SMR3A: variants seen among roughly 807,000 people sequenced by gnomAD.
SMR3A encodes the protein submaxillary gland androgen-regulated protein 3A.
For synonymous variants in SMR3A, 48 were observed against 57.4 expected (o/e 0.84, Z 0.74); for missense variants, 188 against 163.0 (o/e 1.15, Z -0.84).
intron 1 of SMR3A, 60 bp downstream of exon 1, chr4:70,360,902 A>G (rs998790518): frequency 6.6e-6 from 1 of 151,906 alleles, no homozygotes; most frequent in African/African-American, 2.4e-5. Flanking sequence ...TGAGCTTTTT[A>G]TAGGACATTC....
intron 2 of SMR3A, among the ~76,000 whole-genome samples, chr4:70,364,692 G>T (rs948511743): frequency 3.9e-5 from 6 of 151,952 alleles, no homozygotes; most frequent in African/African-American, 7.2e-5. Context: ...GGGTAGATGA[G>T]AGCTCAGGAT....
intron 2 of SMR3A, among the ~76,000 whole-genome samples, chr4:70,366,075 A>C (rs1732253599): frequency 6.6e-6 from 1 of 152,016 alleles, no homozygotes; most frequent in Non-Finnish European, 1.5e-5. Flanking sequence ...TACATTTAAC[A>C]ATTTTCTATT....
chr4:70,362,399 T>G (rs4694295), intron 2 of SMR3A, among the ~76,000 whole-genome samples: 40,764 of 151,698 alleles, frequency 0.27, 6,346 homozygotes, highest in Admixed American at 0.35. Context: ...AATATCAGAC[T>G]GCATTAAACA....
At position 70,366,718 on chromosome 4, in the gene SMR3A, T is replaced by C; in HGVS notation, c.129T>C (p.Phe43=). 1 of 1,613,450 alleles carries C rather than the reference T, an allele frequency of 6.2e-7. No individual in the cohort carries two copies. The highest frequency in any genetic ancestry group is 1.1e-5 in the South Asian group (1 of 91,058). ...TGGCTCCTCCTCCTCCACCATGTTT[T>C]CCTTTTGGAACAGGATTTGTTCCAC... ...GPLAPPPPPC[F]PFGTGFVPPP... The change falls in exon 3 of 3, where the codon TTT becomes TTC. Residue 43 remains phenylalanine (F), a synonymous_variant. Transcript: ENST00000226460.
intron 2 of SMR3A, among the ~76,000 whole-genome samples, chr4:70,363,370 G>T (rs1175342436): frequency 6.6e-6 from 1 of 151,814 alleles, no homozygotes; most frequent in Non-Finnish European, 1.5e-5. Context: ...TTGTAGATGG[G>T]GTAAGTCATC....
intron 2 of SMR3A, among the ~76,000 whole-genome samples, chr4:70,362,593 AG>A (rs1732173531): frequency 6.6e-6 from 1 of 151,870 alleles, no homozygotes; most frequent in Non-Finnish European, 1.5e-5. Flanking sequence ...CATTTTGCAG[AG>A]GATTTAGGAG....
At chr4:70,361,114 T>G (rs1393824149) in intron 1 of SMR3A, among the ~76,000 whole-genome samples, 1 of 151,950 alleles carries the variant, frequency 6.6e-6, no homozygotes, top group African/African-American at 2.4e-5. Flanking sequence ...AATGATAGAT[T>G]ATTCTCAGAT....
intron 1 of SMR3A, among the ~76,000 whole-genome samples, chr4:70,361,059 A>G (rs1732137911): frequency 6.6e-6 from 1 of 151,898 alleles, no homozygotes; most frequent in Admixed American, 6.6e-5. Context: ...CAAGTACACA[A>G]TTGACTTTTC....
At chr4:70,365,653 C>T (rs531525531) in intron 2 of SMR3A, among the ~76,000 whole-genome samples, 3 of 152,044 alleles carry the variant, frequency 2.0e-5, no homozygotes, top group African/African-American at 7.2e-5. Context: ...TCACATTTAT[C>T]CCCCCCTGTA....
At chr4:70,365,600 G>A (rs1312196400) in intron 2 of SMR3A, among the ~76,000 whole-genome samples, 1 of 151,906 alleles carries the variant, frequency 6.6e-6, no homozygotes, top group Non-Finnish European at 1.5e-5. Flanking sequence ...ACACTGGCAT[G>A]AAATCCCAGA....
intron 2 of SMR3A, among the ~76,000 whole-genome samples, chr4:70,366,066 A>G (rs1732253345): frequency 6.6e-6 from 1 of 152,046 alleles, no homozygotes; most frequent in Non-Finnish European, 1.5e-5. Flanking sequence ...TAACTTAGAT[A>G]CATTTAACAA....
chr4:70,361,449 C>A (rs1368608281), intron 1 of SMR3A, among the ~76,000 whole-genome samples: 1 of 151,834 alleles, frequency 6.6e-6, no homozygotes, highest in Non-Finnish European at 1.5e-5. Context: ...AATAAAATAT[C>A]TGGACTCCTC....
At chr4:70,362,893 T>C (rs369982456) in intron 2 of SMR3A, among the ~76,000 whole-genome samples, 10 of 151,864 alleles carry the variant, frequency 6.6e-5, no homozygotes, top group African/African-American at 2.2e-4. Context: ...TAGAAGACTA[T>C]GACTTCCACA....
chr4:70,363,888 A>G (rs1003023997), intron 2 of SMR3A, among the ~76,000 whole-genome samples: 4 of 152,028 alleles, frequency 2.6e-5, no homozygotes, highest in African/African-American at 9.7e-5. Flanking sequence ...GAACTTCCAC[A>G]TAACCTGACT....
intron 2 of SMR3A, among the ~76,000 whole-genome samples, chr4:70,364,607 G>T (rs890338335): frequency 2.6e-5 from 4 of 151,874 alleles, no homozygotes; most frequent in African/African-American, 9.7e-5. Context: ...TGGTTGTGTG[G>T]CCAGTAAATC....
At chr4:70,365,409 A>G (rs1436010650) in intron 2 of SMR3A, among the ~76,000 whole-genome samples, 2 of 151,936 alleles carry the variant, frequency 1.3e-5, no homozygotes, top group Non-Finnish European at 2.9e-5. Context: ...ATTGTACTCT[A>G]TGTAAACCAG....
chr4:70,366,658 A>C lies in SMR3A; in HGVS notation c.69A>C (p.Gln23His). Residue 23 changes from glutamine (Q) to histidine (H), a missense_variant, in exon 3 of 3, where the codon CAA (glutamine) becomes CAC (histidine). Physicochemically the swap from Gln to His is conservative, Grantham distance 24. Coordinates refer to ENST00000226460, the MANE Select transcript of SMR3A (RefSeq NM_012390.4). ...TGTTTCCACAGCCTGGTGAGAGTCA[A>C]AGAGGCCCCAGGGGACCATATCCAC... is the stretch of plus-strand genomic sequence containing the variant. ...LAACFTPGES[Q>H]RGPRGPYPPG... 1 of 1,607,076 alleles carries C rather than the reference A, an allele frequency of 6.2e-7. No homozygotes were observed. The highest frequency in any genetic ancestry group is 1.3e-5 in the African/African-American group (1 of 74,784).
chr4:70,362,963 C>T (rs1381647633), intron 2 of SMR3A, among the ~76,000 whole-genome samples: 1 of 151,860 alleles, frequency 6.6e-6, no homozygotes, highest in Non-Finnish European at 1.5e-5. Flanking sequence ...ATACCTCTTT[C>T]TTCTACTTTT....
chr4:70,363,563 T>C (rs1732193091), intron 2 of SMR3A, among the ~76,000 whole-genome samples: 1 of 152,124 alleles, frequency 6.6e-6, no homozygotes, highest in African/African-American at 2.4e-5. Context: ...AATTGAATAA[T>C]GTAGGAGATT....
Sources: allele counts gnomAD v4.1 joint callset (sites outside exome capture counted in the v4.1 genomes callset), GRCh38; gene constraint gnomAD v4.1.1; transcripts MANE v1.5; gene names NCBI Gene and HGNC (gene_info 2026-07-23, HGNC 2026-07-21).